CASP10: variants seen among roughly 807,000 people sequenced by gnomAD.
CASP10 encodes the protein caspase-10.
A neutral mutation model predicts 48.5 loss-of-function variants in CASP10; 41 were observed. The observed-to-expected ratio is 0.85, with a 90% CI of 0.66 to 1.10. CASP10 has a LOEUF of 1.10. Ranked by LOEUF, CASP10 falls within the 50% of genes least tolerant of loss-of-function variation. CASP10 has a pLI of 0.00. For missense variants in CASP10, 614 were observed against 614.5 expected, an observed-to-expected ratio of 1.00 and a Z score of 0.01; for synonymous variants, 232 against 238.4, an observed-to-expected ratio of 0.97 and a Z score of 0.25.
chr2:201,187,918 T>A (rs1944471512), intron 3 of CASP10, 119 bp downstream of exon 3: 1 of 766,260 alleles, frequency 1.3e-6, no homozygotes, highest in South Asian at 1.4e-5. Context: ...CATACAATGG[T>A]TACGAACATT....
At chr2:201,197,329 A>G (rs1008121577) in intron 5 of CASP10, among the ~76,000 whole-genome samples, 1 of 152,006 alleles carries the variant, frequency 6.6e-6, no homozygotes, top group Non-Finnish European at 1.5e-5. Context: ...TATAAACAAG[A>G]GTTGGCCAGG....
At chr2:201,211,185 G>A (rs1458256776) in intron 9 of CASP10, among the ~76,000 whole-genome samples, 7 of 152,072 alleles carry the variant, frequency 4.6e-5, no homozygotes, top group African/African-American at 7.2e-5. Flanking sequence ...CCATGTTGCC[G>A]AGGCTGGCCT....
At chr2:201,195,357 C>T (rs1265799393) in intron 4 of CASP10, among the ~76,000 whole-genome samples, 1 of 152,154 alleles carries the variant, frequency 6.6e-6, no homozygotes. Flanking sequence ...CAGGCGTGAG[C>T]CACTGCGCCT....
At position 201,220,197 on chromosome 2, in the gene CASP10, A is replaced by T; in HGVS notation, c.*2456A>T. The T allele has an allele frequency of 1.0e-6, 1 of 958,966 alleles. No individual in the cohort carries two copies. The highest frequency in any genetic ancestry group is 1.2e-6 in the Non-Finnish European group (1 of 805,824). 59.4% of individuals were successfully genotyped at this position (958,966 alleles called of 1,614,324 possible). On this transcript the variant is annotated 3_prime_UTR_variant, in exon 10 of 10. Coordinates refer to ENST00000286186, the MANE Select transcript of CASP10 (RefSeq NM_032977.4). ...AGGAACACCGTCATCTTAGACAAAC[A>T]CCGCCACTTTAAGTTCCAGTTCCCT...
intron 9 of CASP10, chr2:201,214,551 A>G (rs41325644): frequency 6.6e-6 from 1 of 152,272 alleles, no homozygotes; most frequent in Non-Finnish European, 1.5e-5. Flanking sequence ...TAATAGGGCA[A>G]TGAAGCTGGT....
chr2:201,188,293 C>A (rs902806817), intron 3 of CASP10, among the ~76,000 whole-genome samples: 1 of 152,100 alleles, frequency 6.6e-6, no homozygotes, highest in Non-Finnish European at 1.5e-5. Context: ...CATTCTCCTA[C>A]CTCAGCCTCC....
At position 201,209,423 on chromosome 2, in the gene CASP10, C is replaced by T. The variant is rs778094540; in HGVS notation, c.1276C>T (p.Leu426=). ...GAACCCTGAGCAGGCACCCACTTCCCTGCAGGACAGTATTCCTGCCGAGGC... is the reference window on the plus strand; with the variant it reads ...GAACCCTGAGCAGGCACCCACTTCCTTGCAGGACAGTATTCCTGCCGAGGC... ...ALNPEQAPTS[L]QDSIPAEADF... Residue 426 remains leucine (L), a synonymous_variant, in exon 9 of 10, where the codon CTG becomes TTG. Transcript: ENST00000286186. 2 of 1,614,200 alleles carry T rather than the reference C, an allele frequency of 1.2e-6. No individual in the cohort carries two copies. Among genetic ancestry groups the T allele is most frequent in the African/African-American group, 1.3e-5 (1 of 75,040 alleles).
At position 201,191,291 on chromosome 2, in the gene CASP10, G is replaced by A. The variant is rs571705024; in HGVS notation, c.442-1693G>A. On this transcript the variant is annotated intron_variant, in intron 3 of 9. Transcript: ENST00000286186. ...TCTCAGTATAACAGTAAAAGGAAAC[G>A]TAACTGTGCTTAGCTGTGGCATGGA... Among the ~76,000 whole-genome samples, 5 of 152,214 alleles carry A rather than the reference G, an allele frequency of 3.3e-5. No individual in the cohort carries two copies. The East Asian group carries it at 7.7e-4, about 24-fold the overall frequency.
At chr2:201,184,884 T>C (rs918598824) in intron 1 of CASP10, among the ~76,000 whole-genome samples, 1 of 152,166 alleles carries the variant, frequency 6.6e-6, no homozygotes, top group Non-Finnish European at 1.5e-5. Flanking sequence ...AAAGAATGGC[T>C]ACTCCATAGA....
At chr2:201,191,068 G>A (rs1309123668) in intron 3 of CASP10, among the ~76,000 whole-genome samples, 2 of 151,862 alleles carry the variant, frequency 1.3e-5, no homozygotes, top group East Asian at 1.9e-4. Flanking sequence ...CACCATGTTG[G>A]CCAGGCTGGT....
At chr2:201,212,649 C>T (rs542673034) in intron 9 of CASP10, 1 of 152,298 alleles carries the variant, frequency 6.6e-6, no homozygotes, top group South Asian at 2.1e-4. Flanking sequence ...GATATAATTC[C>T]TACACCCTCT....
intron 7 of CASP10, among the ~76,000 whole-genome samples, chr2:201,207,771 A>T (rs1046178920): frequency 4.0e-5 from 6 of 150,672 alleles, no homozygotes; most frequent in Admixed American, 3.3e-4. Context: ...AAAAAAAAAA[A>T]TTATCTGGGG....
rs1316285523 is a variant in CASP10 at position 201,218,411 on chromosome 2, TCC to T, written c.*672_*673del. The stretch of plus-strand genomic sequence containing the variant: ...TTGACCTCCCAGGTTCAAGCGATCC[TCC>T]CACCTCAGCCTCCCAAGTAGCTGAG... On this transcript the variant is annotated 3_prime_UTR_variant, in exon 10 of 10. Transcript: ENST00000286186. The T allele has an allele frequency of 1.2e-6, 1 of 825,704 alleles. No individual in the cohort carries two copies. Among genetic ancestry groups the T allele is most frequent in the African/African-American group, 1.9e-5 (1 of 53,904 alleles). 51.1% of individuals were successfully genotyped at this position (825,704 alleles called of 1,614,324 possible).
At chr2:201,225,820 G>T (rs2126068628), downstream of CASP10, among the ~76,000 whole-genome samples, 1 of 152,238 alleles carries the variant, frequency 6.6e-6, no homozygotes, top group East Asian at 1.9e-4. Context: ...AAAAAAATTA[G>T]CTGGGCATGG....
In CASP10 at chr2:201,209,215, G is replaced by T. The variant is rs111489269; in HGVS notation, c.1068G>T (p.Leu356=). 1,403 of 1,614,062 alleles carry T rather than the reference G, an allele frequency of 8.7e-4. 14 individuals are homozygous for T. In the African/African-American group the frequency reaches 0.015, roughly 17 times the overall value. Residue 356 remains leucine, a synonymous_variant, in exon 9 of 10, where the codon CTG becomes CTT. Transcript: ENST00000286186. ...GGGACTGCTTCGTGTTCTGTATTCT[G>T]ACCCATGGGAGATTTGGAGCTGTCT... The part of the protein sequence containing the change: ...ADGDCFVFCI[L]THGRFGAVYS...
In CASP10 at chr2:201,218,106, A is replaced by G. The variant is rs1945631902; in HGVS notation, c.*365A>G. The G allele has an allele frequency of 2.7e-6, 2 of 752,350 alleles. No individual in the cohort carries two copies. Among genetic ancestry groups the G allele is most frequent in the Non-Finnish European group, 3.5e-6 (2 of 569,180 alleles). 46.6% of individuals were successfully genotyped at this position (752,350 alleles called of 1,614,324 possible). On this transcript the variant is annotated 3_prime_UTR_variant, in exon 10 of 10. Transcript: ENST00000286186. ...TTTTTATTCTTTATTTTTTGTAGAG[A>G]TGGAGGGATCTCACTTTGTTGCACA...
At chr2:201,205,809 A>G in intron 6 of CASP10, 73 bp from the exon 7 acceptor site, 1 of 907,618 alleles carries the variant, frequency 1.1e-6, no homozygotes, top group Non-Finnish European at 1.9e-6. Context: ...CCAGAATTAG[A>G]TGCGAAAATT....
chr2:201,221,048 CTG>C lies in CASP10; in HGVS notation c.*3310_*3311del, dbSNP rs942910587. The stretch of plus-strand genomic sequence containing the variant: ...TATGTGTGCATCTATTTAAATCTAA[CTG>C]TGCTGAGGTGCATATAAATGCCTTT... On this transcript the variant is annotated 3_prime_UTR_variant, in exon 10 of 10. Coordinates refer to ENST00000286186, the MANE Select transcript of CASP10 (RefSeq NM_032977.4). 2.0e-6 allele frequency: 2 copies of C among 985,418 alleles called. No homozygotes were observed. Among genetic ancestry groups the C allele is most frequent in the African/African-American group, 3.5e-5 (2 of 57,358 alleles). The allele number at this position is 985,418 out of a possible 1,614,324, so 61.0% of individuals were successfully genotyped here.
chr2:201,215,031 C>G (rs1038236890), intron 9 of CASP10: 1 of 151,850 alleles, frequency 6.6e-6, no homozygotes, highest in Non-Finnish European at 1.5e-5. Flanking sequence ...TACCTGTGGA[C>G]CATTTGTATG....
Sources: allele counts gnomAD v4.1 joint callset (sites outside exome capture counted in the v4.1 genomes callset), GRCh38; gene constraint gnomAD v4.1.1; transcripts MANE v1.5; gene names NCBI Gene and HGNC (gene_info 2026-07-23, HGNC 2026-07-21).